Variants in RAB33A observed in about 807,000 individuals in gnomAD.
RAB33A encodes the protein ras-related protein Rab-33A.
In RAB33A, 6 loss-of-function variants were observed where a neutral mutation model predicts 12.0. The observed-to-expected ratio is 0.50, with a 90% CI of 0.27 to 0.99. RAB33A has a LOEUF of 0.99. Among genes scored for constraint, RAB33A ranks in the 50% least tolerant of loss-of-function variants. The pLI is 0.11. For missense variants in RAB33A, 109 were observed against 192.0 expected, an observed-to-expected ratio of 0.57 and a Z score of 2.55; for synonymous variants, 70 against 82.4, an observed-to-expected ratio of 0.85 and a Z score of 0.81.
the RAB33A span, among the ~76,000 whole-genome samples, chrX:130,116,091 C>T: frequency 9.7e-6 from 1 of 103,454 alleles, no homozygotes; most frequent in Non-Finnish European, 1.9e-5. Flanking sequence ...TGCAAATCAC[C>T]CCAGGTCCTT....
At chrX:130,165,463 G>A in the RAB33A span, 8 of 779,366 alleles carry the variant, frequency 1.0e-5, no homozygotes, top group Middle Eastern at 2.9e-4. Flanking sequence ...GTTTCTCGCG[G>A]GGACGCGGGG....
chrX:130,136,634 C>T, the RAB33A span: 3 of 1,204,175 alleles, frequency 2.5e-6, no homozygotes, highest in African/African-American at 5.3e-5. Context: ...CTATCTTTTC[C>T]TTCCTTACCT....
At chrX:130,168,981 G>C (rs1053669850), upstream of RAB33A, among the ~76,000 whole-genome samples, 1 of 110,335 alleles carries the variant, frequency 9.1e-6, no homozygotes, top group African/African-American at 3.3e-5. Context: ...GCCAAGGCGG[G>C]CGGATCACGA....
At chrX:130,132,212 G>A in the RAB33A span, among the ~76,000 whole-genome samples, 1 of 112,177 alleles carries the variant, frequency 8.9e-6, no homozygotes, top group Non-Finnish European at 1.9e-5. Flanking sequence ...TTAGTATGCA[G>A]ATCACGAGAG....
chrX:130,164,874 C>T, the RAB33A span, among the ~76,000 whole-genome samples: 3 of 111,341 alleles, frequency 2.7e-5, no homozygotes, highest in Non-Finnish European at 5.7e-5. Flanking sequence ...GTGGGTTGAC[C>T]TTTACCACAA....
At chrX:130,165,800 T>A in the RAB33A span, 5 of 560,558 alleles carry the variant, frequency 8.9e-6, no homozygotes, top group African/African-American at 2.3e-5. Context: ...CGGGTGGGCA[T>A]TGGACAGAGA....
At chrX:130,129,687 C>T in the RAB33A span, 4 of 1,061,255 alleles carry the variant, frequency 3.8e-6, no homozygotes, top group East Asian at 1.2e-4. Flanking sequence ...CAGGCCATGC[C>T]CACACAATGG....
chrX:130,134,334 AAC>A, the RAB33A span, among the ~76,000 whole-genome samples: 5 of 111,674 alleles, frequency 4.5e-5, no homozygotes, highest in East Asian at 1.4e-3. Context: ...TTCTTTCCTT[AAC>A]AGACAGGATA....
At chrX:130,131,342 C>T in the RAB33A span, among the ~76,000 whole-genome samples, 19 of 112,284 alleles carry the variant, frequency 1.7e-4, no homozygotes, top group Non-Finnish European at 2.4e-4. Context: ...AAAATAAAAA[C>T]GCAATCTAAA....
chrX:130,182,179 T>TATATACACAC (rs370694549), intron 1 of RAB33A, among the ~76,000 whole-genome samples: 7,993 of 72,162 alleles, frequency 0.11, 629 homozygotes, highest in East Asian at 0.15. Flanking sequence ...TATATATATA[T>TATATACACAC]ATACACATAT....
upstream of RAB33A, chrX:130,171,564 C>T (rs761286915): frequency 2.8e-3 from 334 of 120,449 alleles, 2 homozygotes; most frequent in Non-Finnish European, 4.0e-3. Context: ...ATAACATAAA[C>T]GGGGGCAAGG....
the RAB33A span, among the ~76,000 whole-genome samples, chrX:130,134,005 G>T: frequency 9.0e-6 from 1 of 110,820 alleles, no homozygotes; most frequent in East Asian, 2.8e-4. Flanking sequence ...CACTTTGGGA[G>T]ACCAAGGTGG....
the RAB33A span, among the ~76,000 whole-genome samples, chrX:130,133,108 C>A: frequency 8.9e-6 from 1 of 111,765 alleles, no homozygotes; most frequent in Non-Finnish European, 1.9e-5. Context: ...TAATGTTTTA[C>A]AAAAGGATCA....
chrX:130,179,171 C>T (rs770662076), intron 1 of RAB33A, among the ~76,000 whole-genome samples: 3 of 111,005 alleles, frequency 2.7e-5, no homozygotes, highest in Non-Finnish European at 3.8e-5. Flanking sequence ...AGTTTAAATT[C>T]GGAGCCTCCA....
At chrX:130,125,732 T>G in the RAB33A span, among the ~76,000 whole-genome samples, 2 of 111,504 alleles carry the variant, frequency 1.8e-5, no homozygotes, top group South Asian at 7.6e-4. Context: ...CTGCAGTAGG[T>G]CACTGTGGAG....
intron 1 of RAB33A, among the ~76,000 whole-genome samples, chrX:130,174,767 C>T (rs772385453): frequency 4.5e-4 from 50 of 111,225 alleles, no homozygotes; most frequent in African/African-American, 1.6e-3. Flanking sequence ...TTCTGGGCTG[C>T]CTGCCTGTGT....
At chrX:130,134,717 AG>A in the RAB33A span, among the ~76,000 whole-genome samples, 47 of 111,295 alleles carry the variant, frequency 4.2e-4, no homozygotes, top group African/African-American at 1.2e-3. Flanking sequence ...AGCTTCATGA[AG>A]GATGTGGCAT....
At chrX:130,173,125 T>C (rs2031629713) in intron 1 of RAB33A, among the ~76,000 whole-genome samples, 1 of 112,133 alleles carries the variant, frequency 8.9e-6, no homozygotes, top group Admixed American at 9.5e-5. Context: ...CTCCATGAGT[T>C]TATGTAATAG....
the RAB33A span, among the ~76,000 whole-genome samples, chrX:130,118,813 C>T: frequency 7.2e-5 from 8 of 110,911 alleles, no homozygotes; most frequent in African/African-American, 9.9e-5. Flanking sequence ...TAACTGTGTT[C>T]GGGGTGTGCA....
Sources: allele counts gnomAD v4.1 joint callset (sites outside exome capture counted in the v4.1 genomes callset), GRCh38; gene constraint gnomAD v4.1.1; transcripts MANE v1.5; gene names NCBI Gene and HGNC (gene_info 2026-07-23, HGNC 2026-07-21).